Variants in SLITRK6 observed in about 807,000 individuals in gnomAD.
SLITRK6 encodes the protein SLIT and NTRK-like protein 6.
In SLITRK6, 35 loss-of-function variants were observed where a neutral mutation model predicts 55.6. The ratio of observed to expected loss-of-function variants is 0.63; its 90% CI spans 0.48 to 0.83. The LOEUF (loss-of-function observed/expected upper bound fraction) is 0.83. Ranked by LOEUF, SLITRK6 falls within the 40% of genes least tolerant of loss-of-function variation. The pLI is 0.00. For missense variants in SLITRK6, 977 were observed against 986.4 expected (o/e 0.99, Z 0.13); for synonymous variants, 392 against 359.6 (o/e 1.09, Z -1.02).
Position 85,796,215 on chromosome 13 carries a change from G to T in SLITRK6, c.294C>A (p.Asn98Lys), listed in dbSNP as rs1175632873. The part of the protein sequence containing the change: ...TNAISIHLGF[N>K]NIADIEIGAF... ...CACCTATCTCAATATCTGCAATATT[G>T]TTAAATCCAAGGTGTATTGAAATAG... The change falls in exon 2 of 2, where the codon AAC (asparagine) becomes AAA (lysine). Residue 98 changes from asparagine to lysine, a missense_variant. Transcript: ENST00000647374. 2 of 1,612,962 alleles carry T rather than the reference G, an allele frequency of 1.2e-6. No homozygotes were observed. Among genetic ancestry groups the T allele is most frequent in the African/African-American group, 2.7e-5 (2 of 74,834 alleles).
In SLITRK6 at chr13:85,794,918, A is replaced by G; in HGVS notation, c.1591T>C (p.Trp531Arg). The G allele has an allele frequency of 6.2e-7, 1 of 1,613,062 alleles. No individual in the cohort carries two copies. Among genetic ancestry groups the G allele is most frequent in the Non-Finnish European group, 8.5e-7 (1 of 1,179,488 alleles). The change falls in exon 2 of 2, where the codon TGG becomes CGG. Residue 531 changes from tryptophan (W) to arginine (R), a missense_variant. Trp to Arg is a moderately radical substitution (Grantham distance 101). Transcript: ENST00000647374. ...CSCDLVGLQQ[W>R]IQKLSKNTVT... ...GTGTTCTTGCTTAACTTTTGTATCC[A>G]TTGCTGCAGTCCAACCAGGTCACAG...
chr13:85,797,671 G>A (rs1220870592), intron 1 of SLITRK6, among the ~76,000 whole-genome samples: 3 of 151,448 alleles, frequency 2.0e-5, no homozygotes, highest in Non-Finnish European at 3.0e-5. Context: ...TTCAGTAAAA[G>A]AAAAAAAGGA....
Position 85,798,021 on chromosome 13 carries a change from T to C in SLITRK6, c.-25+893A>G, listed in dbSNP as rs1049047212. ...CCAATCAACAATCCTGAAAGTAAAC[T>C]TGCATTCCCTGAAAACATAGTGTTT... On this transcript the variant is annotated intron_variant, in intron 1 of 1. Coordinates refer to ENST00000647374, the MANE Select transcript of SLITRK6 (RefSeq NM_032229.3). Among the ~76,000 whole-genome samples the C allele has an allele frequency of 1.2e-4, 18 of 151,970 alleles. 1 individual carries two copies. The highest frequency in any genetic ancestry group is 1.9e-4 in the Non-Finnish European group (13 of 67,868).
In SLITRK6 at chr13:85,794,649, A is replaced by G; in HGVS notation, c.1860T>C (p.Thr620=). The G allele has an allele frequency of 6.2e-7, 1 of 1,613,310 alleles. No homozygotes were observed. Among genetic ancestry groups the G allele is most frequent in the South Asian group, 1.1e-5 (1 of 91,070 alleles). The part of the protein sequence containing the change: ...LILGLLIMFI[T]IVFCAAGIVV... ...CTATCCCTGCAGCACAGAAAACAAT[A>G]GTGATGAACATAATCAGAAGTCCCA... is the stretch of plus-strand genomic sequence containing the variant. The change falls in exon 2 of 2, where the codon ACT becomes ACC. Residue 620 remains threonine, a synonymous_variant. Transcript: ENST00000647374.
At position 85,793,060 on chromosome 13, in the gene SLITRK6, T is replaced by A. The variant is rs1220832946; in HGVS notation, c.*923A>T. Reference sequence around the variant, plus strand: ...ATAAAATAATTTTTCCTATTTACTTTACAACTGTGAATTACTTGCCACAAG... The same window carrying A: ...ATAAAATAATTTTTCCTATTTACTTAACAACTGTGAATTACTTGCCACAAG... On this transcript the variant is annotated 3_prime_UTR_variant, in exon 2 of 2. Transcript: ENST00000647374. The A allele has an allele frequency of 6.6e-6, 1 of 152,294 alleles. No homozygotes were observed. Among genetic ancestry groups the A allele is most frequent in the Non-Finnish European group, 1.5e-5 (1 of 67,866 alleles). 9.4% of individuals were successfully genotyped at this position (152,294 alleles called of 1,614,324 possible). A position where few individuals can be genotyped will look rare whatever the true frequency, so the allele number is the denominator to read the frequency against.
chr13:85,794,831 G>C lies in SLITRK6; in HGVS notation c.1678C>G (p.Leu560Val). The C allele has an allele frequency of 6.2e-7, 1 of 1,613,074 alleles. No homozygotes were observed. The highest frequency in any genetic ancestry group is 2.2e-5 in the East Asian group (1 of 44,830). ...CCTGGACAGAGAATTTCACTATTTA[G>C]GGCTTTCAATTCCTTTTTGTCGAGA... Reference protein sequence around the residue: ...GHLDKKELKALNSEILCPGLV... With the variant: ...GHLDKKELKAVNSEILCPGLV... Residue 560 changes from leucine (L) to valine (V), a missense_variant, in exon 2 of 2, where the codon CTA (leucine) becomes GTA (valine). Transcript: ENST00000647374.
rs948331087 is a variant in SLITRK6, at chr13:85,793,992, C to T, written c.2517G>A (p.Gln839=). The change falls in exon 2 of 2, where the codon CAG becomes CAA. Residue 839 remains glutamine, a synonymous_variant. Transcript: ENST00000647374. ...CCCTCAAACTCTCCATCTATGTTTG[C>T]TGCTCCAGGACTTCTAAATAGTCAG... ...AEPDYLEVLE[Q]QT 1.0e-5 allele frequency: 16 copies of T among 1,593,222 alleles called. No homozygotes were observed. The highest frequency in any genetic ancestry group is 1.4e-5 in the Non-Finnish European group (16 of 1,170,730).
At chr13:85,797,852 T>G (rs1268709383) in intron 1 of SLITRK6, among the ~76,000 whole-genome samples, 2 of 151,924 alleles carry the variant, frequency 1.3e-5, no homozygotes, top group Non-Finnish European at 2.9e-5. Context: ...TACTTTAAAC[T>G]TATATAAACT....
chr13:85,798,856 A>C (rs1357654123), intron 1 of SLITRK6, 58 bp downstream of exon 1: 1 of 152,000 alleles, frequency 6.6e-6, no homozygotes, highest in African/African-American at 2.4e-5. Context: ...TACAAATTCA[A>C]TCACTTTACT....
Position 85,793,865 on chromosome 13 carries a change from T to G in SLITRK6, c.*118A>C. 14 of 1,164,836 alleles carry G rather than the reference T, an allele frequency of 1.2e-5. No individual in the cohort carries two copies. Among genetic ancestry groups the G allele is most frequent in the Non-Finnish European group, 1.4e-5 (12 of 859,668 alleles). 72.2% of individuals were successfully genotyped at this position (1,164,836 alleles called of 1,614,324 possible). A position where few individuals can be genotyped will look rare whatever the true frequency, so the allele number is the denominator to read the frequency against. On this transcript the variant is annotated 3_prime_UTR_variant, in exon 2 of 2. Coordinates refer to ENST00000647374, the MANE Select transcript of SLITRK6 (RefSeq NM_032229.3). ...TTTTCTTCTTCTTTTTTTTTCCCCATAGTTTACTGCTGTGCTTAGGTTCTG... is the reference window on the plus strand; with the variant it reads ...TTTTCTTCTTCTTTTTTTTTCCCCAGAGTTTACTGCTGTGCTTAGGTTCTG...
rs574050805 is a variant in SLITRK6 at position 85,793,787 on chromosome 13, C to T, written c.*196G>A. ...AAGGATTTATTTTATTTGGGACAGA[C>T]TAAATTGCCTGAAGATAATGCCATG... On this transcript the variant is annotated 3_prime_UTR_variant, in exon 2 of 2. Coordinates refer to ENST00000647374, the MANE Select transcript of SLITRK6 (RefSeq NM_032229.3). The T allele has an allele frequency of 3.5e-5, 18 of 518,458 alleles. No individual in the cohort carries two copies. Among genetic ancestry groups the T allele is most frequent in the East Asian group, 9.4e-5 (3 of 31,850 alleles). The allele number at this position is 518,458 out of a possible 1,614,324, so 32.1% of individuals were successfully genotyped here. A position where few individuals can be genotyped will look rare whatever the true frequency, so the allele number is the denominator to read the frequency against.
At chr13:85,797,861 C>T (rs1014468949) in intron 1 of SLITRK6, among the ~76,000 whole-genome samples, 15 of 151,880 alleles carry the variant, frequency 9.9e-5, no homozygotes, top group African/African-American at 3.4e-4. Context: ...CTTATATAAA[C>T]TAAATTGAAA....
In SLITRK6 at chr13:85,793,859, T is replaced by TC. The variant is rs201771094; in HGVS notation, c.*123dup. 1.1e-5 allele frequency: 12 copies of TC among 1,117,360 alleles called. No individual in the cohort carries two copies. Among genetic ancestry groups the TC allele is most frequent in the East Asian group, 5.2e-5 (2 of 38,124 alleles). The allele number at this position is 1,117,360 out of a possible 1,614,324, so 69.2% of individuals were successfully genotyped here. On this transcript the variant is annotated 3_prime_UTR_variant, in exon 2 of 2. Coordinates refer to ENST00000647374, the MANE Select transcript of SLITRK6 (RefSeq NM_032229.3). ...GTTTCTTTTTCTTCTTCTTTTTTTTTCCCCATAGTTTACTGCTGTGCTTAG... is the reference window on the plus strand; with the variant it reads ...GTTTCTTTTTCTTCTTCTTTTTTTTTCCCCCATAGTTTACTGCTGTGCTTAG...
At position 85,795,683 on chromosome 13, in the gene SLITRK6, G is replaced by A; in HGVS notation, c.826C>T (p.His276Tyr). ...ICPTPPVYEE[H>Y]EDPSGSLHLA... ...TGTAATGATCCTGAAGGATCCTCAT[G>A]TTCTTCATACACTGGTGGAGTAGGG... is the stretch of plus-strand genomic sequence containing the variant. The change falls in exon 2 of 2, where the codon CAT (histidine) becomes TAT (tyrosine). Residue 276 changes from histidine (H) to tyrosine (Y), a missense_variant. Transcript: ENST00000647374. 6.2e-7 allele frequency: 1 copy of A among 1,613,076 alleles called. No homozygotes were observed. The highest frequency in any genetic ancestry group is 8.5e-7 in the Non-Finnish European group (1 of 1,179,434).
Position 85,796,249 on chromosome 13 carries a change from A to G in SLITRK6, c.260T>C (p.Leu87Pro). ...AAGGTGTATTGAAATAGCATTGGTA[A>G]GCCCAGAAAAGTCATTTGTGTGAAG... Reference protein sequence around the residue: ...TMLHTNDFSGLTNAISIHLGF... With the variant: ...TMLHTNDFSGPTNAISIHLGF... The change falls in exon 2 of 2, where the codon CTT (leucine) becomes CCT (proline). Residue 87 changes from leucine to proline, a missense_variant. Physicochemically the swap from Leu to Pro is moderately conservative, Grantham distance 98. Transcript: ENST00000647374. The G allele has an allele frequency of 6.2e-7, 1 of 1,612,672 alleles. No individual in the cohort carries two copies. The highest frequency in any genetic ancestry group is 8.5e-7 in the Non-Finnish European group (1 of 1,179,268).
rs375473079 is a variant in SLITRK6, at chr13:85,793,977, C to G, written c.*6G>C. The G allele has an allele frequency of 2.0e-5, 32 of 1,581,682 alleles. 1 individual carries two copies. In the East Asian group the frequency reaches 3.1e-4, roughly 15 times the overall value. ...GCATTTCTGCGAAAGCCCTCAAACT[C>G]TCCATCTATGTTTGCTGCTCCAGGA... is the stretch of plus-strand genomic sequence containing the variant. On this transcript the variant is annotated 3_prime_UTR_variant, in exon 2 of 2. Coordinates refer to ENST00000647374, the MANE Select transcript of SLITRK6 (RefSeq NM_032229.3).
Position 85,795,701 on chromosome 13 carries a change from G to A in SLITRK6, c.808C>T (p.Pro270Ser), listed in dbSNP as rs1874697188. ...RLKKESICPT[P>S]PVYEEHEDPS... ...TCCTCATGTTCTTCATACACTGGTG[G>A]AGTAGGGCAAATAGATTCCTTCTTT... Residue 270 changes from proline (P) to serine (S), a missense_variant, in exon 2 of 2, where the codon CCA (proline) becomes TCA (serine). By Grantham distance (74) the Pro-to-Ser change is moderately conservative. Transcript: ENST00000647374. 2.5e-6 allele frequency: 4 copies of A among 1,612,860 alleles called. No homozygotes were observed. Among genetic ancestry groups the A allele is most frequent in the Admixed American group, 3.3e-5 (2 of 59,780 alleles).
In SLITRK6 at chr13:85,794,366, T is replaced by C. The variant is rs757193599; in HGVS notation, c.2143A>G (p.Lys715Glu). The change falls in exon 2 of 2, where the codon AAA becomes GAA. Residue 715 changes from lysine to glutamate, a missense_variant. Lys to Glu is a moderately conservative substitution (Grantham distance 56). Transcript: ENST00000647374. ...TCCAAAAGACTTCTTTGGAGATGTT[T>C]TGCATCACTTCCTTCTTTCTCATTC... ...ERNEKEGSDA[K>E]HLQRSLLEQE... 2.5e-6 allele frequency: 4 copies of C among 1,613,160 alleles called. No homozygotes were observed. The African/African-American group carries it at 5.3e-5, about 22-fold the overall frequency.
In SLITRK6 at chr13:85,794,398, T is replaced by C. The variant is rs370246977; in HGVS notation, c.2111A>G (p.Glu704Gly). ...ACTTCCTTCTTTCTCATTCCTCTCT[T>C]CTTCCTCTTCCAGATGCTTTGGACC... is the stretch of plus-strand genomic sequence containing the variant. ...SFGPKHLEEE[E>G]ERNEKEGSDA... is the part of the protein sequence containing the mutation. The change falls in exon 2 of 2, where the codon GAA becomes GGA. Residue 704 changes from glutamate to glycine, a missense_variant. Coordinates refer to ENST00000647374, the MANE Select transcript of SLITRK6 (RefSeq NM_032229.3). 158 of 1,613,168 alleles carry C rather than the reference T, an allele frequency of 9.8e-5. 1 individual carries two copies. The highest frequency in any genetic ancestry group is 1.3e-4 in the Non-Finnish European group (154 of 1,179,568).
Sources: allele counts gnomAD v4.1 joint callset (sites outside exome capture counted in the v4.1 genomes callset), GRCh38; gene constraint gnomAD v4.1.1; transcripts MANE v1.5; gene names NCBI Gene and HGNC (gene_info 2026-07-23, HGNC 2026-07-21).